INTS11: variants seen among roughly 807,000 people sequenced by gnomAD.
INTS11 encodes integrator complex subunit 11.
INTS11 carries 77 observed loss-of-function variants against 78.6 expected under a neutral mutation model. The observed-to-expected ratio is 0.98, with a 90% CI of 0.81 to 1.18. INTS11 has a LOEUF of 1.18. Ranked by LOEUF, INTS11 falls within the 50% of genes most tolerant of loss-of-function variation. The pLI is 0.00. For synonymous variants in INTS11, 441 were observed against 326.9 expected, an observed-to-expected ratio of 1.35 and a Z score of -3.77; for missense variants, 875 against 825.9, an observed-to-expected ratio of 1.06 and a Z score of -0.73.
Position 1,321,072 on chromosome 1 carries a change from C to A in INTS11, c.50G>T (p.Arg17Leu). Residue 17 changes from arginine to leucine, a missense_variant, in exon 2 of 17, where the codon CGA (arginine) becomes CTA (leucine). By Grantham distance (102) the Arg-to-Leu change is moderately radical. Transcript: ENST00000435064. Reference sequence around the variant, plus strand: ...CGCAATGGAGACCAGGATGCAGCTTCGGCCCACGTCCTGGCCGGCCCCTAC... The same window carrying A: ...CGCAATGGAGACCAGGATGCAGCTTAGGCCCACGTCCTGGCCGGCCCCTAC... ...TPLGAGQDVG[R>L]SCILVSIAGK... 6.2e-7 allele frequency: 1 copy of A among 1,612,226 alleles called. No homozygotes were observed. The highest frequency in any genetic ancestry group is 8.5e-7 in the Non-Finnish European group (1 of 1,179,364).
intron 1 of INTS11, chr1:1,321,902 A>ACCC: frequency 9.1e-6 from 3 of 328,288 alleles, no homozygotes; most frequent in Non-Finnish European, 1.4e-5. Flanking sequence ...CTTGAATCCC[A>ACCC]CCCACCTCCC....
At position 1,314,971 on chromosome 1, in the gene INTS11, C is replaced by T. The variant is rs200181216; in HGVS notation, c.564-9G>A. 14 of 1,611,532 alleles carry T rather than the reference C, an allele frequency of 8.7e-6. No individual in the cohort carries two copies. The highest frequency in any genetic ancestry group is 4.0e-5 in the African/African-American group (3 of 75,022). On this transcript the variant is annotated splice_polypyrimidine_tract_variant and intron_variant, in intron 6 of 16. Transcript: ENST00000435064. This position sits in a 1 kb window ranked among gnomAD's most constrained non-coding sequence, Gnocchi z 4.2. ...TGTCAATCCAGGCAGCTCTGGAACA[C>T]GGGGGTGGGGGTGTGAGCCACGATG...
At chr1:1,320,178 T>G in intron 3 of INTS11, 28 of 395,232 alleles carry the variant, frequency 7.1e-5, no homozygotes, top group Non-Finnish European at 9.8e-5. Context: ...GACAGTGGGG[T>G]TTAAAGATCC....
chr1:1,321,892 C>A, intron 1 of INTS11: 7 of 1,310,600 alleles, frequency 5.3e-6, no homozygotes, highest in Non-Finnish European at 6.0e-6. Flanking sequence ...CAGTTTTCCC[C>A]TTGAATCCCA....
At chr1:1,315,659 C>CA in intron 4 of INTS11, 41 bp from the exon 5 acceptor site, 1 of 1,458,504 alleles carries the variant, frequency 6.9e-7, no homozygotes, top group East Asian at 2.3e-5. Flanking sequence ...GTCCTCACAG[C>CA]AGAGGGGCGG....
chr1:1,316,413 AC>A (rs2100597900), intron 4 of INTS11: 1 of 152,344 alleles, frequency 6.6e-6, no homozygotes, highest in South Asian at 2.1e-4. Flanking sequence ...ACACGGTGAA[AC>A]CCTGTCTCTA....
In INTS11 at chr1:1,319,523, G is replaced by T; in HGVS notation, c.202C>A (p.His68Asn). 1 of 1,570,928 alleles carries T rather than the reference G, an allele frequency of 6.4e-7. No individual in the cohort carries two copies. Among genetic ancestry groups the T allele is most frequent in the Non-Finnish European group, 8.6e-7 (1 of 1,156,384 alleles). Residue 68 changes from histidine to asparagine, a missense_variant and splice_region_variant, in exon 4 of 17, where the codon CAC (histidine) becomes AAC (asparagine). By Grantham distance (68) the His-to-Asn change is moderately conservative (BLOSUM62 1). Transcript: ENST00000435064. ...GCCCCGCAGTGGTCCAGGTGGAAGT[G>T]GCTAGGGGGACGCAGCACAGGTCAG... ...TDFLDCVIIS[H>N]FHLDHCGALP...
chr1:1,323,557 A>G (rs1012571472), intron 1 of INTS11, among the ~76,000 whole-genome samples: 4 of 147,306 alleles, frequency 2.7e-5, no homozygotes, highest in African/African-American at 1.0e-4. Flanking sequence ...GGCACACACC[A>G]CCACGCCCTG....
At chr1:1,319,058 A>C (rs1456402639) in intron 4 of INTS11, 2 of 716,244 alleles carry the variant, frequency 2.8e-6, no homozygotes, top group Non-Finnish European at 5.2e-6. Flanking sequence ...GTGGGTTCAT[A>C]AGCCGGTGCA....
At chr1:1,315,049 C>T (rs929519295) in intron 6 of INTS11, 87 bp from the exon 7 acceptor site, 18 of 1,496,104 alleles carry the variant, frequency 1.2e-5, no homozygotes, top group East Asian at 4.6e-5. Flanking sequence ...CCCAGTACCA[C>T]GCCCAGCCGC....
At position 1,312,465 on chromosome 1, in the gene INTS11, T is replaced by A. The variant is rs1642270806; in HGVS notation, c.1439A>T (p.His480Leu). The A allele has an allele frequency of 6.3e-7, 1 of 1,575,568 alleles. No individual in the cohort carries two copies. Among genetic ancestry groups the A allele is most frequent in the African/African-American group, 1.3e-5 (1 of 74,128 alleles). ...LPEAKKPRLL[H>L]GTLIMKDSNF... is the part of the protein sequence containing the mutation. ...GCTGTCCTTCATGATCAGGGTGCCGTGCAGGAGCCGAGGCTTCTTGGCCTC... is the reference window on the plus strand; with the variant it reads ...GCTGTCCTTCATGATCAGGGTGCCGAGCAGGAGCCGAGGCTTCTTGGCCTC... The change falls in exon 14 of 17, where the codon CAC becomes CTC. Residue 480 changes from histidine (H) to leucine (L), a missense_variant. Physicochemically the swap from His to Leu is moderately conservative, Grantham distance 99. Coordinates refer to ENST00000435064, the MANE Select transcript of INTS11 (RefSeq NM_017871.6).
intron 1 of INTS11, 36 bp downstream of exon 1, chr1:1,324,545 G>A (rs1211519879): frequency 6.3e-7 from 1 of 1,582,966 alleles, no homozygotes; most frequent in Non-Finnish European, 8.6e-7. Context: ...CGCATACGGA[G>A]CCCACCCCAC....
At chr1:1,312,986 C>T (rs376604506) in intron 11 of INTS11, 37 bp from the exon 12 acceptor site, 6 of 1,612,022 alleles carry the variant, frequency 3.7e-6, no homozygotes, top group Non-Finnish European at 5.1e-6. Context: ...TGGTTACCAC[C>T]AGGAGGTGCC....
chr1:1,311,765 C>A lies in INTS11; in HGVS notation c.*94G>T. ...TCCCCAGGGATGGGACCTGCAGGGT[C>A]TGTTCACCCAGGGCACCCACAGTCC... On this transcript the variant is annotated 3_prime_UTR_variant, in exon 17 of 17. Coordinates refer to ENST00000435064, the MANE Select transcript of INTS11 (RefSeq NM_017871.6). 1 of 1,285,810 alleles carries A rather than the reference C, an allele frequency of 7.8e-7. No individual in the cohort carries two copies. Among genetic ancestry groups the A allele is most frequent in the South Asian group, 1.4e-5 (1 of 71,628 alleles). The allele number at this position is 1,285,810 out of a possible 1,614,324, so 79.7% of individuals were successfully genotyped here.
In INTS11 at chr1:1,312,139, T is replaced by C. The variant is rs977911026; in HGVS notation, c.1616A>G (p.Lys539Arg). Residue 539 changes from lysine to arginine, a missense_variant, in exon 16 of 17, where the codon AAG becomes AGG. By Grantham distance (26) the Lys-to-Arg change is conservative. Coordinates refer to ENST00000435064, the MANE Select transcript of INTS11 (RefSeq NM_017871.6). The part of the protein sequence containing the change: ...RVYSHLKSVL[K>R]DHCVQHLPDG... ...TGGGAGGTGCTGCACACAGTGGTCC[T>C]TCAGGACGCTGTGGGGAGGCTCGGT... 5.9e-6 allele frequency: 9 copies of C among 1,525,296 alleles called. No homozygotes were observed. In the Admixed American group the frequency reaches 1.4e-4, roughly 24 times the overall value. 94.5% of individuals were successfully genotyped at this position (1,525,296 alleles called of 1,614,324 possible).
At position 1,312,499 on chromosome 1, in the gene INTS11, G is replaced by A. The variant is rs1210890016; in HGVS notation, c.1405C>T (p.Leu469=). ...CGAGGCTTCTTGGCCTCAGGGAGCAGCCCTGCGGAGGAGGTGGCAGGAGCC... is the reference window on the plus strand; with the variant it reads ...CGAGGCTTCTTGGCCTCAGGGAGCAACCCTGCGGAGGAGGTGGCAGGAGCC... ...GLLKREMAQG[L]LPEAKKPRLL... The change falls in exon 14 of 17, where the codon CTG becomes TTG. Residue 469 remains leucine (L), a splice_region_variant and synonymous_variant. Coordinates refer to ENST00000435064, the MANE Select transcript of INTS11 (RefSeq NM_017871.6). 1 of 1,581,232 alleles carries A rather than the reference G, an allele frequency of 6.3e-7. No homozygotes were observed. Among genetic ancestry groups the A allele is most frequent in the East Asian group, 2.3e-5 (1 of 42,888 alleles).
In INTS11 at chr1:1,313,746, T is replaced by C; in HGVS notation, c.943A>G (p.Asn315Asp). ...IKAFDRAFAD[N>D]PGPMVVFATP... ...GCGGGCCTCACCATCGGTCCTGGGT[T>C]GTCAGCAAAAGCCCGGTCGAAGGCC... is the stretch of plus-strand genomic sequence containing the variant. Residue 315 changes from asparagine to aspartate, a missense_variant, in exon 9 of 17, where the codon AAC (asparagine) becomes GAC (aspartate). Coordinates refer to ENST00000435064, the MANE Select transcript of INTS11 (RefSeq NM_017871.6). 1 of 1,613,020 alleles carries C rather than the reference T, an allele frequency of 6.2e-7. No individual in the cohort carries two copies. Among genetic ancestry groups the C allele is most frequent in the Non-Finnish European group, 8.5e-7 (1 of 1,179,936 alleles).
intron 3 of INTS11, 139 bp from the exon 4 acceptor site, chr1:1,319,663 A>G (rs1642830813): frequency 1.6e-6 from 1 of 612,578 alleles, no homozygotes; most frequent in Admixed American, 3.0e-5. Context: ...GTCAGTAATG[A>G]GCAAACACAA....
chr1:1,324,517 G>A, intron 1 of INTS11, 64 bp downstream of exon 1: 2 of 1,510,062 alleles, frequency 1.3e-6, no homozygotes, highest in Non-Finnish European at 1.8e-6. Context: ...GGAGCGGGGC[G>A]CCCAGCCCGC....
Sources: gnomAD v4.1 joint callset for allele counts (sites outside exome capture counted in the v4.1 genomes callset) on GRCh38, gnomAD v4.1.1 for gene constraint, Gnocchi (gnomAD v3.1) non-coding constraint, MANE v1.5 for transcripts, NCBI Gene and HGNC (gene_info 2026-07-23, HGNC 2026-07-21) for gene names.